The following ARID1B variants were observed in gnomAD, a reference collection of about 807,000 sequenced individuals.
The protein encoded by ARID1B is AT-rich interaction domain 1B.
ARID1B carries 30 observed loss-of-function variants against 212.3 expected under a neutral mutation model. That is an observed-to-expected ratio of 0.14 (90% confidence interval 0.11 to 0.19). ARID1B has a LOEUF of 0.19. ARID1B is among the 10% of genes least tolerant of loss of function. The probability of loss-of-function intolerance (pLI) is 1.00; values close to 1 mark genes in which losing one functional copy is unlikely to be tolerated. For missense variants in ARID1B, 2,891 were observed against 3,204.0 expected (o/e 0.90, Z 2.36); for synonymous variants, 1,402 against 1,301.7 (o/e 1.08, Z -1.66).
At chr6:156,934,927 T>G (rs1258433706) in intron 3 of ARID1B, among the ~76,000 whole-genome samples, 1 of 63,862 alleles carries the variant, frequency 1.6e-5, no homozygotes, top group East Asian at 3.8e-4. Context: ...TATATATATA[T>G]ATATATATAT....
Position 157,062,201 on chromosome 6 carries a change from G to GT in ARID1B, c.2248-22459dup, listed in dbSNP as rs1430308696. Among the ~76,000 whole-genome samples the GT allele has an allele frequency of 6.9e-3, 1,037 of 150,436 alleles. 6 individuals are homozygous for GT. Among genetic ancestry groups the GT allele is most frequent in the African/African-American group, 0.024 (990 of 41,006 alleles). Reference sequence around the variant, plus strand: ...CTGTTTCTGTTTCTCCTTTTGTTTTGTTGTTTTTTTTTTTTAGAGACAGAG... The same window carrying GT: ...CTGTTTCTGTTTCTCCTTTTGTTTTGTTTGTTTTTTTTTTTTAGAGACAGAG... On this transcript the variant is annotated intron_variant, in intron 4 of 19. Coordinates refer to ENST00000636930, the MANE Select transcript of ARID1B (RefSeq NM_001374828.1).
intron 4 of ARID1B, among the ~76,000 whole-genome samples, chr6:156,960,230 C>A (rs2171798): frequency 0.56 from 85,670 of 151,722 alleles, 24,845 homozygotes; most frequent in African/African-American, 0.7. Context: ...CGCCTGGCCA[C>A]TTGTCCCCTT....
At chr6:157,183,039 C>T (rs961114262) in intron 12 of ARID1B, among the ~76,000 whole-genome samples, 2 of 152,160 alleles carry the variant, frequency 1.3e-5, no homozygotes, top group African/African-American at 2.4e-5. Context: ...TCATGAGACT[C>T]TCCGCGGGCT....
intron 1 of ARID1B, among the ~76,000 whole-genome samples, chr6:156,824,647 C>G (rs911620532): frequency 1.3e-5 from 2 of 152,002 alleles, no homozygotes; most frequent in Non-Finnish European, 2.9e-5. Context: ...TGCCTGTAAT[C>G]CCAGCTACTT....
Position 157,203,311 on chromosome 6 carries a change from A to G in ARID1B, c.5264-555A>G, listed in dbSNP as rs188021321. Among the ~76,000 whole-genome samples the G allele has an allele frequency of 2.0e-4, 30 of 152,362 alleles. No homozygotes were observed. Among genetic ancestry groups the G allele is most frequent in the Admixed American group, 7.8e-4 (12 of 15,304 alleles). On this transcript the variant is annotated intron_variant, in intron 18 of 19. Transcript: ENST00000636930. The surrounding 1 kb of genome is among the most constrained non-coding windows in gnomAD (Gnocchi z 4.4). ...GAGAAATCTGAGCCATCAAAGTGCT[A>G]ATATTTATCACAGCATGTTCTGAGG... is the stretch of plus-strand genomic sequence containing the variant.
chr6:157,182,500 A>C (rs1583466211), intron 12 of ARID1B, among the ~76,000 whole-genome samples: 1 of 152,330 alleles, frequency 6.6e-6, no homozygotes, highest in Non-Finnish European at 1.5e-5. Context: ...AGTCAGAATC[A>C]GGCGCCCTGC....
intron 7 of ARID1B, among the ~76,000 whole-genome samples, chr6:157,139,606 C>T (rs1009422314): frequency 4.6e-5 from 7 of 152,020 alleles, no homozygotes; most frequent in African/African-American, 7.3e-5. Flanking sequence ...GATGGTTAGA[C>T]GCATTCGGTT....
rs1182425552 is a variant in ARID1B at position 157,200,476 on chromosome 6, T to C, written c.4480-229T>C. On this transcript the variant is annotated intron_variant, in intron 17 of 19. Coordinates refer to ENST00000636930, the MANE Select transcript of ARID1B (RefSeq NM_001374828.1). The surrounding 1 kb of genome is among the most constrained non-coding windows in gnomAD (Gnocchi z 4.3). ...GAGGCTTTTTTTTTTCCACAGGAAG[T>C]TTCAAACACGTGAAAACAAACTTTG... 6.6e-6 allele frequency among the ~76,000 whole-genome samples: 1 copy of C among 151,396 alleles called. No individual in the cohort carries two copies. Among genetic ancestry groups the C allele is most frequent in the East Asian group, 1.9e-4 (1 of 5,154 alleles).
chr6:156,877,128 A>G (rs565539436), intron 2 of ARID1B, among the ~76,000 whole-genome samples: 83 of 152,348 alleles, frequency 5.4e-4, no homozygotes, highest in African/African-American at 1.8e-3. Context: ...CTTATTATTT[A>G]TTCTTTCACA....
rs76389612 is a variant in ARID1B, at chr6:157,146,087, C to T, written c.2762-2537C>T. On this transcript the variant is annotated intron_variant, in intron 7 of 19. Transcript: ENST00000636930. The stretch of plus-strand genomic sequence containing the variant: ...ACCCAGCCTCTCCCCTCTATCCCCC[C>T]GTCAGCCACACACAGCGCCCCAGTG... Among the ~76,000 whole-genome samples, 81 of 152,244 alleles carry T rather than the reference C, an allele frequency of 5.3e-4. 1 individual carries two copies. The East Asian group carries it at 0.014, about 27-fold the overall frequency.
At chr6:157,017,546 A>T (rs569714275) in intron 4 of ARID1B, among the ~76,000 whole-genome samples, 2 of 152,356 alleles carry the variant, frequency 1.3e-5, no homozygotes, top group South Asian at 4.1e-4. Flanking sequence ...GCATTTAGTT[A>T]GCATCTTTCT....
intron 4 of ARID1B, among the ~76,000 whole-genome samples, chr6:157,019,706 C>CA (rs1491526956): frequency 6.6e-6 from 1 of 152,100 alleles, no homozygotes; most frequent in Non-Finnish European, 1.5e-5. Context: ...TGATAAAACT[C>CA]AGTCATCCAC....
chr6:156,806,617 G>A (rs113272591), intron 1 of ARID1B, among the ~76,000 whole-genome samples: 6 of 152,308 alleles, frequency 3.9e-5, no homozygotes, highest in South Asian at 2.1e-4. Flanking sequence ...TTTCGTGTGT[G>A]CTGAAGCAGA....
chr6:157,168,456 C>G (rs954341090), intron 9 of ARID1B: 2 of 152,190 alleles, frequency 1.3e-5, no homozygotes, highest in Non-Finnish European at 2.9e-5. Context: ...TCTTCTTTCC[C>G]TAATTTCCCT....
At chr6:157,179,255 A>G (rs1304841472) in intron 11 of ARID1B, among the ~76,000 whole-genome samples, 1 of 152,152 alleles carries the variant, frequency 6.6e-6, no homozygotes, top group Non-Finnish European at 1.5e-5. Context: ...AAAACTCCAT[A>G]CTAAAATTTA....
intron 4 of ARID1B, among the ~76,000 whole-genome samples, chr6:157,013,380 ATTCATGTGAGATGGAGTGATGG>A (rs1362219561): frequency 6.6e-6 from 1 of 152,176 alleles, no homozygotes; most frequent in Non-Finnish European, 1.5e-5. Flanking sequence ...ACTTAGTACC[ATTCATGTGAGATGGAGTGATGG>A]CAGGAAAAGA....
chr6:156,795,199 A>G (rs1196769906), intron 1 of ARID1B, among the ~76,000 whole-genome samples: 1 of 150,818 alleles, frequency 6.6e-6, no homozygotes, highest in African/African-American at 2.5e-5. Context: ...GGGAAGGAGT[A>G]AGGCAGCACA....
chr6:157,133,416 A>G (rs1013479673), intron 7 of ARID1B, among the ~76,000 whole-genome samples: 11 of 152,228 alleles, frequency 7.2e-5, no homozygotes, highest in Admixed American at 2.6e-4. Flanking sequence ...TGAAACATTT[A>G]TGTATCAGAC....
At chr6:156,797,184 A>G (rs916808188) in intron 1 of ARID1B, among the ~76,000 whole-genome samples, 1 of 152,196 alleles carries the variant, frequency 6.6e-6, no homozygotes, top group Non-Finnish European at 1.5e-5. Flanking sequence ...GGCTGGGGAT[A>G]CCACAGTGAC....
Sources: gnomAD v4.1 joint callset for allele counts (sites outside exome capture counted in the v4.1 genomes callset) on GRCh38, gnomAD v4.1.1 for gene constraint, Gnocchi (gnomAD v3.1) non-coding constraint, MANE v1.5 for transcripts, NCBI Gene and HGNC (gene_info 2026-07-23, HGNC 2026-07-21) for gene names.